CSMD1: variants seen among roughly 807,000 people sequenced by gnomAD.
The protein encoded by CSMD1 is CUB and Sushi multiple domains 1, also known as CUB and sushi domain-containing protein 1.
A neutral mutation model predicts 417.5 loss-of-function variants in CSMD1; 213 were observed. The observed-to-expected ratio is 0.51, with a 90% CI of 0.46 to 0.57. The LOEUF is 0.57. CSMD1 is among the 20% of genes least tolerant of loss of function. The pLI, the probability that CSMD1 is intolerant of heterozygous loss-of-function variation, is 0.00. For missense variants in CSMD1, 6,923 were observed against 4,529.7 expected (o/e 1.53, Z -15.17); for synonymous variants, 2,862 against 1,736.8 (o/e 1.65, Z -16.11).
chr8:3,356,636 C>G (rs1168172334), intron 21 of CSMD1, among the ~76,000 whole-genome samples: 1 of 152,230 alleles, frequency 6.6e-6, no homozygotes, highest in African/African-American at 2.4e-5. Flanking sequence ...GATCGTGCCA[C>G]TGCACTCCAG....
intron 2 of CSMD1, among the ~76,000 whole-genome samples, chr8:4,457,707 T>G (rs1035507516): frequency 6.6e-6 from 1 of 152,128 alleles, no homozygotes; most frequent in Non-Finnish European, 1.5e-5. Context: ...AGAGGCAGCT[T>G]CCCTTCCCGG....
chr8:4,649,477 A>G (rs1803745231), intron 1 of CSMD1, among the ~76,000 whole-genome samples: 1 of 152,244 alleles, frequency 6.6e-6, no homozygotes, highest in African/African-American at 2.4e-5. Context: ...TATACAAAGC[A>G]AAGAAATGAG....
At chr8:3,456,769 T>C (rs1363031646) in intron 12 of CSMD1, among the ~76,000 whole-genome samples, 5 of 152,100 alleles carry the variant, frequency 3.3e-5, no homozygotes, top group African/African-American at 9.7e-5. Context: ...AGCCTGCAGA[T>C]GACCCATCCC....
chr8:3,725,658 T>C (rs1197390803), intron 6 of CSMD1, among the ~76,000 whole-genome samples: 1 of 151,950 alleles, frequency 6.6e-6, no homozygotes, highest in Non-Finnish European at 1.5e-5. Context: ...GAGTGAGCAG[T>C]GGAGGACCCG....
chr8:4,477,855 C>G (rs1474543037), intron 2 of CSMD1, among the ~76,000 whole-genome samples: 18 of 152,200 alleles, frequency 1.2e-4, no homozygotes. Flanking sequence ...TTTAACTGGA[C>G]ATAAATTCTG....
chr8:3,944,261 G>A (rs1283485035), intron 5 of CSMD1, among the ~76,000 whole-genome samples: 4 of 152,124 alleles, frequency 2.6e-5, no homozygotes, highest in Admixed American at 1.3e-4. Flanking sequence ...CTCCTTCAAA[G>A]AGAGAGCAAA....
chr8:4,857,255 G>A (rs943622480), intron 1 of CSMD1, among the ~76,000 whole-genome samples: 50 of 147,014 alleles, frequency 3.4e-4, no homozygotes, highest in African/African-American at 8.7e-4. Context: ...TCTCTGGGAC[G>A]CATTCAAAGC....
chr8:4,473,262 G>A (rs927647459), intron 2 of CSMD1, among the ~76,000 whole-genome samples: 4 of 152,090 alleles, frequency 2.6e-5, no homozygotes, highest in African/African-American at 7.2e-5. Flanking sequence ...AAACTCTCAT[G>A]GTTACATTTT....
chr8:4,400,324 A>C (rs746994227), intron 3 of CSMD1, among the ~76,000 whole-genome samples: 1 of 152,224 alleles, frequency 6.6e-6, no homozygotes, highest in South Asian at 2.1e-4. Flanking sequence ...GTCCCATAGG[A>C]AACTGTTTTG....
intron 3 of CSMD1, among the ~76,000 whole-genome samples, chr8:4,182,896 G>A (rs902146112): frequency 6.6e-6 from 1 of 152,120 alleles, no homozygotes; most frequent in Non-Finnish European, 1.5e-5. Flanking sequence ...ATGTTTGAAT[G>A]GGAGAATGTA....
At chr8:4,184,073 C>G (rs1021018085) in intron 3 of CSMD1, among the ~76,000 whole-genome samples, 1 of 152,132 alleles carries the variant, frequency 6.6e-6, no homozygotes, top group South Asian at 2.1e-4. Context: ...CAATAATTAG[C>G]CACCTTCCCT....
chr8:4,855,913 A>G (rs572967561), intron 1 of CSMD1, among the ~76,000 whole-genome samples: 1 of 150,136 alleles, frequency 6.7e-6, no homozygotes, highest in Admixed American at 6.6e-5. Flanking sequence ...AATACAGAGA[A>G]CGCCACAAAG....
At chr8:3,592,688 A>C (rs957647174) in intron 8 of CSMD1, among the ~76,000 whole-genome samples, 1 of 135,034 alleles carries the variant, frequency 7.4e-6, no homozygotes, top group African/African-American at 3.4e-5. Context: ...GTGTGTGTGC[A>C]CATCCGTGTG....
chr8:3,141,220 C>G (rs1434488161), intron 41 of CSMD1, among the ~76,000 whole-genome samples: 1 of 151,996 alleles, frequency 6.6e-6, no homozygotes. Flanking sequence ...TAGGTAACAC[C>G]CGTACCTCAT....
chr8:4,112,587 C>T (rs1234794066), intron 3 of CSMD1, among the ~76,000 whole-genome samples: 1 of 152,268 alleles, frequency 6.6e-6, no homozygotes, highest in African/African-American at 2.4e-5. Flanking sequence ...GCTGACTTCA[C>T]AGTCTGTGCG....
intron 1 of CSMD1, among the ~76,000 whole-genome samples, chr8:4,846,074 C>A (rs1031343267): frequency 6.6e-6 from 1 of 152,148 alleles, no homozygotes; most frequent in African/African-American, 2.4e-5. Flanking sequence ...TGTGCTACGT[C>A]CCAAATCAAA....
chr8:3,424,284 T>A (rs778570820), intron 12 of CSMD1, among the ~76,000 whole-genome samples: 4 of 152,206 alleles, frequency 2.6e-5, no homozygotes, highest in African/African-American at 7.2e-5. Flanking sequence ...AAAAGCCAGG[T>A]ATTGCCTAGT....
intron 3 of CSMD1, among the ~76,000 whole-genome samples, chr8:4,141,366 T>G (rs7817129): frequency 6.6e-6 from 1 of 150,942 alleles, no homozygotes; most frequent in Non-Finnish European, 1.5e-5. Flanking sequence ...GAAGCTTGTA[T>G]GCTCCAAGAA....
At chr8:3,747,494 T>G (rs575927242) in intron 6 of CSMD1, among the ~76,000 whole-genome samples, 1 of 132,148 alleles carries the variant, frequency 7.6e-6, no homozygotes, top group East Asian at 2.3e-4. Context: ...AAATCATACG[T>G]TTGTTTTTTT....
Sources: gnomAD v4.1 joint callset for allele counts (sites outside exome capture counted in the v4.1 genomes callset) on GRCh38, gnomAD v4.1.1 for gene constraint, MANE v1.5 for transcripts, NCBI Gene and HGNC (gene_info 2026-07-23, HGNC 2026-07-21) for gene names.